The following CD99 variants were observed in gnomAD, a reference collection of about 807,000 sequenced individuals.
CD99 encodes the protein CD99 molecule (Xg blood group), also known as CD99 antigen.
Under a neutral mutation model 28.4 loss-of-function variants are expected in CD99, and 19 were observed. That is an observed-to-expected ratio of 0.67 (90% confidence interval 0.47 to 0.98). The LOEUF is 0.98. Ranked by LOEUF, CD99 falls within the 50% of genes least tolerant of loss-of-function variation. The pLI is 0.00. For synonymous variants in CD99, 103 were observed against 92.1 expected (o/e 1.12, Z -0.67); for missense variants, 283 against 248.8 (o/e 1.14, Z -0.92).
chrX:2,740,645 T>G (rs2050152568), intron 9 of CD99, 134 bp from the exon 10 acceptor site: 1 of 734,482 alleles, frequency 1.4e-6, no homozygotes. Flanking sequence ...GGGTTTTGCT[T>G]TCTCGTGATG....
chrX:2,712,483 C>CAT (rs1410082449), intron 1 of CD99, among the ~76,000 whole-genome samples: 4 of 151,968 alleles, frequency 2.6e-5, no homozygotes, highest in African/African-American at 9.7e-5. Context: ...AACATGAGTG[C>CAT]ATATATATAT....
At chrX:2,728,476 G>A (rs1467339940) in intron 8 of CD99, among the ~76,000 whole-genome samples, 4 of 152,070 alleles carry the variant, frequency 2.6e-5, no homozygotes, top group African/African-American at 9.7e-5. Context: ...GATTGCAGGC[G>A]TGAGCCACCG....
At chrX:2,720,620 C>CTT (rs71281938) in intron 5 of CD99, among the ~76,000 whole-genome samples, 196 bp downstream of exon 5, 3,018 of 83,862 alleles carry the variant, frequency 0.036, 185 homozygotes, top group African/African-American at 0.054. Flanking sequence ...TTTTAGTTTG[C>CTT]TTTTTTTTTT....
At chrX:2,734,867 AG>A (rs2049859470) in intron 8 of CD99, among the ~76,000 whole-genome samples, 3 of 149,204 alleles carry the variant, frequency 2.0e-5, no homozygotes, top group African/African-American at 7.4e-5. Flanking sequence ...TGTGGAAATG[AG>A]GCACAGCCTC....
At chrX:2,737,964 T>C (rs2050029115) in intron 8 of CD99, 1 of 709,450 alleles carries the variant, frequency 1.4e-6, no homozygotes, top group Non-Finnish European at 2.6e-6. Flanking sequence ...CTGCTTGGAT[T>C]ACCCTGTTGA....
At chrX:2,696,795 T>C (rs1024578301) in intron 1 of CD99, among the ~76,000 whole-genome samples, 5 of 152,232 alleles carry the variant, frequency 3.3e-5, no homozygotes, top group African/African-American at 1.2e-4. Context: ...TTCCTCTTCT[T>C]GAATTTCCTG....
At chrX:2,711,947 C>G (rs777378621) in intron 1 of CD99, among the ~76,000 whole-genome samples, 2 of 152,204 alleles carry the variant, frequency 1.3e-5, no homozygotes, top group African/African-American at 4.8e-5. Flanking sequence ...GAGGCTGAGG[C>G]AGGAGAATTG....
intron 5 of CD99, among the ~76,000 whole-genome samples, 197 bp downstream of exon 5, chrX:2,720,621 T>TG: frequency 7.9e-5 from 1 of 12,722 alleles, no homozygotes; most frequent in East Asian, 1.0e-3. Flanking sequence ...TTTAGTTTGC[T>TG]TTTTTTTTTT....
chrX:2,738,910 C>T (rs765556209), intron 9 of CD99, among the ~76,000 whole-genome samples: 2 of 151,964 alleles, frequency 1.3e-5, no homozygotes, highest in Admixed American at 6.6e-5. Context: ...TGCAGTGGCA[C>T]GATCATAACT....
At position 2,716,310 on chromosome X, in the gene CD99, C is replaced by T. The variant is rs145522807; in HGVS notation, c.101-1295C>T. 1.6e-3 allele frequency among the ~76,000 whole-genome samples: 239 copies of T among 151,946 alleles called. 7 individuals are homozygous for T. In the East Asian group the frequency reaches 0.037, roughly 24 times the overall value. Reference sequence around the variant, plus strand: ...GGGATGACAGGCATGAGCCACTGAGCCCAGCCACCCTCTTCACTTTTTTAT... The same window carrying T: ...GGGATGACAGGCATGAGCCACTGAGTCCAGCCACCCTCTTCACTTTTTTAT... On this transcript the variant is annotated intron_variant, in intron 2 of 9. Transcript: ENST00000381192.
intron 8 of CD99, among the ~76,000 whole-genome samples, chrX:2,737,597 C>G (rs182042619): frequency 6.7e-6 from 1 of 150,018 alleles, no homozygotes; most frequent in South Asian, 2.1e-4. Context: ...TGGGTTCAAA[C>G]GATCCTCCTG....
intron 1 of CD99, among the ~76,000 whole-genome samples, chrX:2,694,610 G>A (rs1299566198): frequency 6.6e-6 from 1 of 152,040 alleles, no homozygotes; most frequent in Non-Finnish European, 1.5e-5. Context: ...AAAATTAGCC[G>A]GGCGTGGTGG....
intron 1 of CD99, among the ~76,000 whole-genome samples, chrX:2,706,768 T>C (rs142346140): frequency 0.011 from 1,618 of 152,256 alleles, 11 homozygotes; most frequent in Non-Finnish European, 0.016. Flanking sequence ...GTGTTATTCT[T>C]ATGAAAATCT....
intron 8 of CD99, chrX:2,737,875 T>TTA (rs1264122753): frequency 2.0e-6 from 1 of 488,926 alleles, no homozygotes; most frequent in African/African-American, 2.0e-5. Flanking sequence ...TTTTTTTTTT[T>TTA]TATAGAAAGA....
chrX:2,694,551 G>A (rs1238677686), intron 1 of CD99, among the ~76,000 whole-genome samples: 2 of 152,116 alleles, frequency 1.3e-5, no homozygotes, highest in East Asian at 3.9e-4. Context: ...CCAAGAGTTC[G>A]AGACCAGCCT....
intron 1 of CD99, among the ~76,000 whole-genome samples, chrX:2,704,904 G>T (rs150411741): frequency 3.9e-5 from 6 of 152,056 alleles, no homozygotes; most frequent in African/African-American, 1.5e-4. Context: ...TTGTAGAGAC[G>T]GGGTTTCATC....
chrX:2,728,900 A>C (rs2049443024), intron 8 of CD99, among the ~76,000 whole-genome samples: 1 of 120,510 alleles, frequency 8.3e-6, no homozygotes, highest in Non-Finnish European at 1.6e-5. Context: ...GCAGTGGTGC[A>C]ATCTTGGCTC....
Position 2,714,560 on chromosome X carries a change from A to G in CD99, c.100+106A>G, listed in dbSNP as rs189215617. 1.6e-5 allele frequency: 15 copies of G among 943,318 alleles called. No individual in the cohort carries two copies. The Admixed American group carries it at 2.9e-4, about 18-fold the overall frequency. The allele number at this position is 943,318 out of a possible 1,614,324, so 58.4% of individuals were successfully genotyped here. ...CAGCTAGGTTCTAGACCACCGCAAT[A>G]ACAGGAGTCATAGCAATTTTTGGCT... On this transcript the variant is annotated intron_variant, in intron 2 of 9. Coordinates refer to ENST00000381192, the MANE Select transcript of CD99 (RefSeq NM_002414.5).
Position 2,740,910 on chromosome X carries a change from T to C in CD99, c.*106T>C. On this transcript the variant is annotated 3_prime_UTR_variant, in exon 10 of 10. Transcript: ENST00000381192. The stretch of plus-strand genomic sequence containing the variant: ...CCTGAGAGCAGAGATGGAGGCCTTC[T>C]GTTCACGGCGGATTCTTTGTTTTAA... The C allele has an allele frequency of 8.4e-7, 1 of 1,189,100 alleles. No individual in the cohort carries two copies. Among genetic ancestry groups the C allele is most frequent in the Non-Finnish European group, 1.3e-6 (1 of 794,762 alleles). The allele number at this position is 1,189,100 out of a possible 1,614,324, so 73.7% of individuals were successfully genotyped here. A position where few individuals can be genotyped will look rare whatever the true frequency, so the allele number is the denominator to read the frequency against.
Sources: gnomAD v4.1 joint callset for allele counts (sites outside exome capture counted in the v4.1 genomes callset) on GRCh38, gnomAD v4.1.1 for gene constraint, MANE v1.5 for transcripts, NCBI Gene and HGNC (gene_info 2026-07-23, HGNC 2026-07-21) for gene names.